The following ADAMTS12 variants were observed in gnomAD, a reference collection of about 807,000 sequenced individuals.
ADAMTS12 encodes A disintegrin and metalloproteinase with thrombospondin motifs 12.
A neutral mutation model predicts 167.8 loss-of-function variants in ADAMTS12; 118 were observed. That is an observed-to-expected ratio of 0.70 (90% CI 0.61 to 0.82). The LOEUF (loss-of-function observed/expected upper bound fraction) is 0.82. Among genes scored for constraint, ADAMTS12 ranks in the 40% least tolerant of loss-of-function variants. The pLI, the probability that ADAMTS12 is intolerant of heterozygous loss-of-function variation, is 0.00. For missense variants in ADAMTS12, 1,916 were observed against 1,998.8 expected, an observed-to-expected ratio of 0.96 and a Z score of 0.79; for synonymous variants, 704 against 716.9, an observed-to-expected ratio of 0.98 and a Z score of 0.29.
chr5:33,777,370 C>T (rs2112435206), intron 2 of ADAMTS12, among the ~76,000 whole-genome samples: 1 of 152,094 alleles, frequency 6.6e-6, no homozygotes, highest in East Asian at 1.9e-4. Flanking sequence ...AAGAATAATT[C>T]TACACACAAA....
intron 13 of ADAMTS12, among the ~76,000 whole-genome samples, chr5:33,625,926 C>T (rs902330690): frequency 3.1e-4 from 47 of 152,218 alleles, no homozygotes; most frequent in African/African-American, 4.8e-5. Context: ...ACAAACCTCA[C>T]TCTTCTTCAT....
chr5:33,592,351 T>C (rs4538612), intron 17 of ADAMTS12, among the ~76,000 whole-genome samples: 72,908 of 152,068 alleles, frequency 0.48, 17,694 homozygotes, highest in East Asian at 0.69. Flanking sequence ...AAGTCATATG[T>C]CATTATTTTG....
chr5:33,844,819 C>A (rs531418730), intron 2 of ADAMTS12, among the ~76,000 whole-genome samples: 2 of 152,078 alleles, frequency 1.3e-5, no homozygotes, highest in African/African-American at 2.4e-5. Flanking sequence ...CGGAACCTAC[C>A]GAAATGTGAT....
At chr5:33,851,090 C>T (rs948485154) in intron 2 of ADAMTS12, among the ~76,000 whole-genome samples, 9 of 152,110 alleles carry the variant, frequency 5.9e-5, no homozygotes, top group Admixed American at 4.6e-4. Context: ...AGTCTTAAGC[C>T]TAAATCACAG....
chr5:33,748,107 T>C (rs1744854836), intron 3 of ADAMTS12, among the ~76,000 whole-genome samples: 1 of 152,200 alleles, frequency 6.6e-6, no homozygotes, highest in Non-Finnish European at 1.5e-5. Flanking sequence ...GATGACCCAG[T>C]ATCTGTTCTC....
intron 2 of ADAMTS12, among the ~76,000 whole-genome samples, chr5:33,818,915 T>C (rs948795333): frequency 3.3e-5 from 5 of 152,156 alleles, no homozygotes; most frequent in Admixed American, 3.3e-4. Context: ...AGTCCTTTTC[T>C]TATTTTTTAA....
At chr5:33,852,754 T>C (rs1406291165) in intron 2 of ADAMTS12, among the ~76,000 whole-genome samples, 1 of 152,112 alleles carries the variant, frequency 6.6e-6, no homozygotes, top group African/African-American at 2.4e-5. Flanking sequence ...ACATACACCA[T>C]TGGGAAAAAA....
At chr5:33,727,703 CTT>C (rs1035782357) in intron 3 of ADAMTS12, among the ~76,000 whole-genome samples, 6 of 152,164 alleles carry the variant, frequency 3.9e-5, no homozygotes, top group Non-Finnish European at 7.4e-5. Flanking sequence ...GGAACACACT[CTT>C]TCTTAGATTT....
chr5:33,842,044 A>G (rs1188900261), intron 2 of ADAMTS12, among the ~76,000 whole-genome samples: 1 of 152,190 alleles, frequency 6.6e-6, no homozygotes, highest in Non-Finnish European at 1.5e-5. Context: ...GGTAAATGCC[A>G]TTAGCACCAC....
At chr5:33,734,592 C>T (rs1744304288) in intron 3 of ADAMTS12, among the ~76,000 whole-genome samples, 1 of 152,188 alleles carries the variant, frequency 6.6e-6, no homozygotes, top group African/African-American at 2.4e-5. Flanking sequence ...AACAAAGACC[C>T]AGTCCCCTGA....
chr5:33,824,081 T>C (rs1399303311), intron 2 of ADAMTS12, among the ~76,000 whole-genome samples: 1 of 152,204 alleles, frequency 6.6e-6, no homozygotes, highest in Non-Finnish European at 1.5e-5. Context: ...AAGCATATCA[T>C]GGTCATGAGC....
At chr5:33,601,106 AGT>A (rs55841502) in intron 16 of ADAMTS12, among the ~76,000 whole-genome samples, 25,611 of 145,748 alleles carry the variant, frequency 0.18, 2,750 homozygotes, top group African/African-American at 0.31. Flanking sequence ...CACATTTAAG[AGT>A]GTGTGTGTGT....
chr5:33,803,711 G>A (rs569277229), intron 2 of ADAMTS12, among the ~76,000 whole-genome samples: 11 of 152,280 alleles, frequency 7.2e-5, no homozygotes, highest in African/African-American at 1.9e-4. Context: ...CAATCATGGC[G>A]AAAGGCAAAG....
chr5:33,548,702 GCACACACACA>G (rs55980424), intron 21 of ADAMTS12, among the ~76,000 whole-genome samples: 1 of 148,868 alleles, frequency 6.7e-6, no homozygotes, highest in African/African-American at 2.5e-5. Context: ...CATAAAGAGA[GCACACACACA>G]CACACACACA....
intron 18 of ADAMTS12, among the ~76,000 whole-genome samples, chr5:33,582,152 G>A (rs1747096641): frequency 6.6e-6 from 1 of 152,148 alleles, no homozygotes; most frequent in African/African-American, 2.4e-5. Context: ...ATCAGACCTA[G>A]ATAATTAAAA....
At chr5:33,788,980 C>T (rs909852111) in intron 2 of ADAMTS12, among the ~76,000 whole-genome samples, 1 of 152,144 alleles carries the variant, frequency 6.6e-6, no homozygotes, top group African/African-American at 2.4e-5. Context: ...TAAGAATCTC[C>T]CTAACAGTGA....
chr5:33,576,415 A>G lies in ADAMTS12; in HGVS notation c.3611T>C (p.Leu1204Pro). 1 of 1,613,432 alleles carries G rather than the reference A, an allele frequency of 6.2e-7. No individual in the cohort carries two copies. ...MPLAPPLTPD[L>P]SRESWWPPFS... ...GGGTGGCCACCAGGACTCCCTGCTG[A>G]GATCTGGTGTTAGTGGAGGTGCAAG... The change falls in exon 19 of 24, where the codon CTC becomes CCC. Residue 1204 changes from leucine (L) to proline (P), a missense_variant. Physicochemically the swap from Leu to Pro is moderately conservative, Grantham distance 98. Coordinates refer to ENST00000504830, the MANE Select transcript of ADAMTS12 (RefSeq NM_030955.4).
intron 18 of ADAMTS12, among the ~76,000 whole-genome samples, chr5:33,581,454 T>C (rs1453830553): frequency 6.6e-6 from 1 of 152,096 alleles, no homozygotes; most frequent in Non-Finnish European, 1.5e-5. Flanking sequence ...TGGTCCACTG[T>C]GGTGGGTGAA....
At chr5:33,720,470 T>C (rs774346936) in intron 3 of ADAMTS12, among the ~76,000 whole-genome samples, 1 of 152,096 alleles carries the variant, frequency 6.6e-6, no homozygotes, top group Non-Finnish European at 1.5e-5. Context: ...AAATGCTAAA[T>C]AGAAAGACCA....
Sources: gnomAD v4.1 joint callset for allele counts (sites outside exome capture counted in the v4.1 genomes callset) on GRCh38, gnomAD v4.1.1 for gene constraint, MANE v1.5 for transcripts, NCBI Gene and HGNC (gene_info 2026-07-23, HGNC 2026-07-21) for gene names.